Variants in CNTNAP2 observed in about 807,000 individuals in gnomAD.
CNTNAP2 encodes the protein contactin-associated protein-like 2.
In CNTNAP2, 98 loss-of-function variants were observed where a neutral mutation model predicts 155.2. The observed-to-expected ratio is 0.63, with a 90% CI of 0.54 to 0.75. The LOEUF is 0.75. Ranked by LOEUF, CNTNAP2 falls within the 30% of genes least tolerant of loss-of-function variation. The pLI is 0.00. For missense variants in CNTNAP2, 1,727 were observed against 1,688.1 expected, an observed-to-expected ratio of 1.02 and a Z score of -0.40; for synonymous variants, 651 against 631.2, an observed-to-expected ratio of 1.03 and a Z score of -0.47.
intron 19 of CNTNAP2, among the ~76,000 whole-genome samples, chr7:148,227,514 T>G (rs1351483306): frequency 6.6e-6 from 1 of 152,082 alleles, no homozygotes; most frequent in Non-Finnish European, 1.5e-5. Context: ...AAAGCACAGG[T>G]GAGGATGAAC....
At chr7:147,890,233 C>T (rs1563125127) in intron 13 of CNTNAP2, among the ~76,000 whole-genome samples, 1 of 152,070 alleles carries the variant, frequency 6.6e-6, no homozygotes, top group Non-Finnish European at 1.5e-5. Flanking sequence ...ATAATGATGA[C>T]AGCATAATTC....
intron 10 of CNTNAP2, among the ~76,000 whole-genome samples, chr7:147,455,984 C>T (rs1797911317): frequency 6.6e-6 from 1 of 152,004 alleles, no homozygotes; most frequent in African/African-American, 2.4e-5. Flanking sequence ...AGTAATTTAA[C>T]AAAAACAAAA....
intron 10 of CNTNAP2, among the ~76,000 whole-genome samples, chr7:147,473,872 G>C (rs1798269675): frequency 6.6e-6 from 1 of 151,976 alleles, no homozygotes; most frequent in South Asian, 2.1e-4. Context: ...CTGAGGTCAG[G>C]AGTTTGAGAC....
At chr7:147,950,878 C>CA (rs1294240987) in intron 14 of CNTNAP2, among the ~76,000 whole-genome samples, 2 of 152,052 alleles carry the variant, frequency 1.3e-5, no homozygotes, top group African/African-American at 2.4e-5. Context: ...AAATCCGTAC[C>CA]AAAAAACTTT....
intron 9 of CNTNAP2, among the ~76,000 whole-genome samples, chr7:147,387,344 CA>C (rs1197230441): frequency 6.6e-6 from 1 of 152,126 alleles, no homozygotes; most frequent in African/African-American, 2.4e-5. Context: ...TATTCTATCC[CA>C]GTCATTTGTC....
chr7:147,730,665 C>T (rs10259955), intron 13 of CNTNAP2, among the ~76,000 whole-genome samples: 20,850 of 151,862 alleles, frequency 0.14, 4,458 homozygotes, highest in African/African-American at 0.46. Context: ...GACAGTACAG[C>T]GGCCTCTAAG....
chr7:147,027,821 G>A (rs557357336), intron 3 of CNTNAP2, among the ~76,000 whole-genome samples: 1 of 152,358 alleles, frequency 6.6e-6, no homozygotes, highest in South Asian at 2.1e-4. Flanking sequence ...AAGAACAAGA[G>A]CCATGGACAT....
At chr7:146,194,925 C>T (rs1205682427) in intron 1 of CNTNAP2, among the ~76,000 whole-genome samples, 2 of 152,152 alleles carry the variant, frequency 1.3e-5, no homozygotes, top group Non-Finnish European at 2.9e-5. Context: ...CTTCTCCAAT[C>T]TGGGGTTTCC....
chr7:146,277,122 G>A (rs562893261), intron 1 of CNTNAP2, among the ~76,000 whole-genome samples: 5 of 152,242 alleles, frequency 3.3e-5, no homozygotes, highest in African/African-American at 1.2e-4. Context: ...GACAGACAGT[G>A]CACATATGTA....
At chr7:146,521,917 T>A (rs1246095996) in intron 1 of CNTNAP2, among the ~76,000 whole-genome samples, 1 of 152,008 alleles carries the variant, frequency 6.6e-6, no homozygotes, top group African/African-American at 2.4e-5. Context: ...GCCAGATAAT[T>A]TTGTAACAGG....
chr7:148,179,636 A>G (rs1324276924), intron 18 of CNTNAP2, among the ~76,000 whole-genome samples: 1 of 91,434 alleles, frequency 1.1e-5, no homozygotes, highest in Non-Finnish European at 2.2e-5. Context: ...AAGGAGAGAA[A>G]GAGAGAAAGA....
chr7:148,133,380 T>C (rs544252107), intron 16 of CNTNAP2, among the ~76,000 whole-genome samples: 98 of 152,292 alleles, frequency 6.4e-4, no homozygotes, highest in Non-Finnish European at 1.1e-3. Context: ...GAGAATCGCT[T>C]GAACCTGGGA....
At chr7:148,039,870 A>T (rs984929926) in intron 15 of CNTNAP2, among the ~76,000 whole-genome samples, 5 of 152,182 alleles carry the variant, frequency 3.3e-5, no homozygotes, top group African/African-American at 1.2e-4. Context: ...TTCCTCACAA[A>T]CCAATTCAGA....
chr7:147,648,120 G>T (rs564250667), intron 13 of CNTNAP2, among the ~76,000 whole-genome samples: 1 of 152,154 alleles, frequency 6.6e-6, no homozygotes, highest in Admixed American at 6.5e-5. Flanking sequence ...AAGAGTAGGG[G>T]TTTAAAAATG....
At chr7:147,884,404 G>A (rs1799572033) in intron 13 of CNTNAP2, among the ~76,000 whole-genome samples, 1 of 151,774 alleles carries the variant, frequency 6.6e-6, no homozygotes, top group Non-Finnish European at 1.5e-5. Flanking sequence ...TTCATCCAGA[G>A]TTGCAAAGCA....
In CNTNAP2 at chr7:147,553,887, G is replaced by A. The variant is rs145515002; in HGVS notation, c.1778-8251G>A. Among the ~76,000 whole-genome samples the A allele has an allele frequency of 6.5e-3, 992 of 152,228 alleles. 13 individuals are homozygous for A. Among genetic ancestry groups the A allele is most frequent in the African/African-American group, 0.022 (921 of 41,544 alleles). ...CAAGGCAGGAGAATCGCTTGAACCC[G>A]GGAGGTGGAGGTTTCAGTGAGCCGA... On this transcript the variant is annotated intron_variant, in intron 11 of 23. Coordinates refer to ENST00000361727, the MANE Select transcript of CNTNAP2 (RefSeq NM_014141.6).
intron 13 of CNTNAP2, among the ~76,000 whole-genome samples, chr7:147,855,674 G>A (rs1799023837): frequency 1.3e-5 from 2 of 151,986 alleles, no homozygotes; most frequent in African/African-American, 2.4e-5. Flanking sequence ...TAAATCTGCA[G>A]TGTAAAACTC....
intron 1 of CNTNAP2, among the ~76,000 whole-genome samples, chr7:146,191,880 C>T (rs990594071): frequency 7.9e-5 from 12 of 152,152 alleles, no homozygotes; most frequent in Admixed American, 2.6e-4. Context: ...ACATGCTTTA[C>T]GAACAATTTG....
At chr7:147,663,389 T>C (rs781608630) in intron 13 of CNTNAP2, among the ~76,000 whole-genome samples, 1 of 152,204 alleles carries the variant, frequency 6.6e-6, no homozygotes, top group Non-Finnish European at 1.5e-5. Context: ...CTCCCATTGG[T>C]TTAAGGAATT....
Sources: gnomAD v4.1 joint callset for allele counts (sites outside exome capture counted in the v4.1 genomes callset) on GRCh38, gnomAD v4.1.1 for gene constraint, MANE v1.5 for transcripts, NCBI Gene and HGNC (gene_info 2026-07-23, HGNC 2026-07-21) for gene names.